Variants in ITGA6 observed in about 807,000 individuals in gnomAD.
ITGA6 encodes integrin alpha-6.
ITGA6 carries 63 observed loss-of-function variants against 133.6 expected under a neutral mutation model. That is an observed-to-expected ratio of 0.47 (90% confidence interval 0.38 to 0.58). The LOEUF is 0.58. Ranked by LOEUF, ITGA6 falls within the 20% of genes least tolerant of loss-of-function variation. The pLI is 0.00. For missense variants in ITGA6, 1,068 were observed against 1,309.4 expected, an observed-to-expected ratio of 0.82 and a Z score of 2.85; for synonymous variants, 434 against 482.0, an observed-to-expected ratio of 0.90 and a Z score of 1.30.
intron 1 of ITGA6, among the ~76,000 whole-genome samples, chr2:172,458,016 G>A (rs13419427): frequency 0.019 from 2,909 of 152,136 alleles, 88 homozygotes; most frequent in African/African-American, 0.067. Context: ...CAGGGACTAG[G>A]AGAGAGGAGT....
upstream of ITGA6, chr2:172,427,394 C>T (rs556066382): frequency 2.2e-4 from 223 of 1,017,070 alleles, no homozygotes; most frequent in African/African-American, 3.4e-3. Flanking sequence ...GCTGCTTCGC[C>T]GCGAGCTCGC....
chr2:172,475,576 A>G (rs765832416), intron 7 of ITGA6, 21 bp from the exon 8 acceptor site: 7 of 1,368,670 alleles, frequency 5.1e-6, no homozygotes, highest in Middle Eastern at 1.8e-4. Flanking sequence ...TTAAAATGTT[A>G]AAATGTGATG....
At chr2:172,490,951 T>C (rs1686896022) in intron 20 of ITGA6, 73 bp from the exon 21 acceptor site, 5 of 836,160 alleles carry the variant, frequency 6.0e-6, no homozygotes, top group Non-Finnish European at 1.1e-5. Context: ...TGGGAGGATA[T>C]GCTCAAGAGG....
chr2:172,502,923 G>A (rs1227373500), intron 25 of ITGA6, among the ~76,000 whole-genome samples: 5 of 151,892 alleles, frequency 3.3e-5, no homozygotes, highest in Non-Finnish European at 5.9e-5. Flanking sequence ...GGGGTAGACA[G>A]CAGTCATATT....
intron 1 of ITGA6, among the ~76,000 whole-genome samples, chr2:172,439,705 G>A (rs990425625): frequency 2.7e-5 from 4 of 148,410 alleles, no homozygotes; most frequent in African/African-American, 9.7e-5. Context: ...AAATGGCTGG[G>A]AAGCATTGAC....
intron 10 of ITGA6, 88 bp from the exon 11 acceptor site, chr2:172,479,902 T>TG (rs1186309206): frequency 1.4e-5 from 15 of 1,052,522 alleles, no homozygotes; most frequent in Admixed American, 3.4e-5. Flanking sequence ...CAATGGGCAT[T>TG]GGGGGGATTG....
chr2:172,482,994 G>A (rs1686513959), intron 11 of ITGA6, among the ~76,000 whole-genome samples: 1 of 152,204 alleles, frequency 6.6e-6, no homozygotes, highest in South Asian at 2.1e-4. Flanking sequence ...TAAGACTGAT[G>A]TGATCCTTGT....
chr2:172,437,211 C>T (rs763536578), intron 1 of ITGA6, among the ~76,000 whole-genome samples: 2 of 152,168 alleles, frequency 1.3e-5, no homozygotes, highest in Non-Finnish European at 2.9e-5. Flanking sequence ...TAGGACATGT[C>T]CTCACTTGGA....
At chr2:172,493,337 A>G (rs1258410269) in intron 23 of ITGA6, among the ~76,000 whole-genome samples, 2 of 151,974 alleles carry the variant, frequency 1.3e-5, no homozygotes, top group African/African-American at 4.8e-5. Flanking sequence ...AATAAACCAC[A>G]CCTTCCCTAA....
chr2:172,472,186 T>C (rs1685972465), intron 5 of ITGA6, among the ~76,000 whole-genome samples: 1 of 152,132 alleles, frequency 6.6e-6, no homozygotes, highest in African/African-American at 2.4e-5. Flanking sequence ...TAGCCAGGCG[T>C]GGTGGTACAC....
chr2:172,474,301 A>G, intron 6 of ITGA6, 36 bp downstream of exon 6: 1 of 1,568,850 alleles, frequency 6.4e-7, no homozygotes, highest in Non-Finnish European at 8.8e-7. Context: ...GCTGCAAATC[A>G]TTTCTGCTTT....
intron 1 of ITGA6, among the ~76,000 whole-genome samples, chr2:172,449,917 C>T: frequency 8.4e-6 from 1 of 118,406 alleles, no homozygotes; most frequent in East Asian, 3.0e-4. Context: ...GTGAAACTTC[C>T]TCTCCAAAAA....
chr2:172,450,168 T>G (rs1188620708), intron 1 of ITGA6, among the ~76,000 whole-genome samples: 1 of 152,122 alleles, frequency 6.6e-6, no homozygotes, highest in East Asian at 1.9e-4. Context: ...CCATGGGCCT[T>G]GTAGAATGTG....
intron 5 of ITGA6, 76 bp from the exon 6 acceptor site, chr2:172,473,979 A>G: frequency 1.0e-6 from 1 of 970,942 alleles, no homozygotes; most frequent in Non-Finnish European, 1.6e-6. Flanking sequence ...GGAAGAGGTA[A>G]TGATGGAGTT....
At chr2:172,472,722 C>T (rs1685994148) in intron 5 of ITGA6, 1 of 1,199,844 alleles carries the variant, frequency 8.3e-7, no homozygotes, top group Non-Finnish European at 1.2e-6. Flanking sequence ...CTGCCTCTTA[C>T]CAAGCATAAT....
At chr2:172,470,939 A>T (rs755786771) in intron 4 of ITGA6, 35 bp from the exon 5 acceptor site, 12 of 1,608,796 alleles carry the variant, frequency 7.5e-6, no homozygotes, top group Middle Eastern at 1.7e-4. Flanking sequence ...TTTCATCTTC[A>T]TTTTTTTGTT....
Position 172,485,229 on chromosome 2 carries a change from C to A in ITGA6, c.1819C>A (p.Leu607Met). 1.9e-6 allele frequency: 3 copies of A among 1,614,100 alleles called. No individual in the cohort carries two copies. The highest frequency in any genetic ancestry group is 1.7e-6 in the Non-Finnish European group (2 of 1,179,946). ...VNSLPEVLPI[L>M]NSDEPKTAHI... ...TTCACTTCCAGAAGTTCTTCCAATT[C>A]TGAATTCAGATGAACCCAAGACAGC... Residue 607 changes from leucine to methionine, a missense_variant, in exon 13 of 26, where the codon CTG (leucine) becomes ATG (methionine). This residue lies in a region of ITGA6 where 609 missense variants were observed against 707.2 expected (regional missense o/e 0.86). Coordinates refer to ENST00000684293, the MANE Select transcript of ITGA6 (RefSeq NM_000210.4).
Position 172,436,165 on chromosome 2 carries a change from A to G in ITGA6, c.182+8195A>G, listed in dbSNP as rs143834682. 3.9e-5 allele frequency among the ~76,000 whole-genome samples: 6 copies of G among 152,244 alleles called. No individual in the cohort carries two copies. In the East Asian group the frequency reaches 1.2e-3, roughly 29 times the overall value. On this transcript the variant is annotated intron_variant, in intron 1 of 25. Coordinates refer to ENST00000684293, the MANE Select transcript of ITGA6 (RefSeq NM_000210.4). ...TCCATGACTTTACAAGTGCAAAGAG[A>G]GATGGGTCTGGGCACTGCTGGGCCT...
intron 1 of ITGA6, among the ~76,000 whole-genome samples, chr2:172,434,777 T>G (rs1684248947): frequency 6.6e-6 from 1 of 152,060 alleles, no homozygotes. Context: ...AACTTACTTT[T>G]TTGAAAAGCC....
Sources: allele counts gnomAD v4.1 joint callset (sites outside exome capture counted in the v4.1 genomes callset), GRCh38; gene constraint gnomAD v4.1.1; regional missense constraint gnomAD v4.1.1; transcripts MANE v1.5; gene names NCBI Gene and HGNC (gene_info 2026-07-23, HGNC 2026-07-21).